The following SLIT3 variants were observed in gnomAD, a reference collection of about 807,000 sequenced individuals.
SLIT3 encodes the protein slit guidance ligand 3.
In SLIT3, 68 loss-of-function variants were observed where a neutral mutation model predicts 184.0. That is an observed-to-expected ratio of 0.37 (90% CI 0.30 to 0.45). The LOEUF is 0.45. Among genes scored for constraint, SLIT3 ranks in the 20% least tolerant of loss-of-function variants. The pLI, the probability that SLIT3 is intolerant of heterozygous loss-of-function variation, is 1.00. For missense variants in SLIT3, 1,707 were observed against 2,026.0 expected (o/e 0.84, Z 3.02); for synonymous variants, 831 against 828.6 (o/e 1.00, Z -0.05).
intron 11 of SLIT3, among the ~76,000 whole-genome samples, chr5:168,786,838 G>A (rs1756172113): frequency 1.3e-5 from 2 of 152,146 alleles, no homozygotes; most frequent in African/African-American, 2.4e-5. Flanking sequence ...ACCACAGCAC[G>A]GGCTTTGCTG....
chr5:168,666,303 T>C lies in SLIT3; in HGVS notation c.*151A>G, dbSNP rs888137365. 7 of 652,374 alleles carry C rather than the reference T, an allele frequency of 1.1e-5. No individual in the cohort carries two copies. In the African/African-American group the frequency reaches 1.3e-4, roughly 12 times the overall value. 40.4% of individuals were successfully genotyped at this position (652,374 alleles called of 1,614,324 possible). ...CATAATAAAAATAAGTTCTATTTTT[T>C]GTTTATTTTACAATATACTTAATAT... On this transcript the variant is annotated 3_prime_UTR_variant, in exon 36 of 36. Coordinates refer to ENST00000519560, the MANE Select transcript of SLIT3 (RefSeq NM_003062.4).
chr5:168,778,124 G>A (rs1676906946), intron 12 of SLIT3, among the ~76,000 whole-genome samples: 1 of 152,174 alleles, frequency 6.6e-6, no homozygotes, highest in Non-Finnish European at 1.5e-5. Context: ...AGGAGCATTG[G>A]TGTAACTGCT....
intron 4 of SLIT3, among the ~76,000 whole-genome samples, chr5:169,187,017 T>C (rs1763366984): frequency 6.6e-6 from 1 of 151,968 alleles, no homozygotes; most frequent in African/African-American, 2.4e-5. Context: ...GTGGCATTTT[T>C]TTTTTTTAAA....
At position 169,215,370 on chromosome 5, in the gene SLIT3, T is replaced by C. The variant is rs2113520427; in HGVS notation, c.342-21820A>G. Among the ~76,000 whole-genome samples the C allele has an allele frequency of 2.0e-5, 3 of 152,334 alleles. No homozygotes were observed. The South Asian group carries it at 6.2e-4, about 32-fold the overall frequency. ...CTAGGAAGTCTGTCTGATCCTCCTG[T>C]CTACTCCCAGAGTCCTCTGTCATTA... On this transcript the variant is annotated intron_variant, in intron 3 of 35. Transcript: ENST00000519560.
At chr5:169,154,174 G>A (rs375449362) in intron 4 of SLIT3, among the ~76,000 whole-genome samples, 8 of 151,918 alleles carry the variant, frequency 5.3e-5, no homozygotes, top group African/African-American at 1.2e-4. Context: ...GGGTTTCACC[G>A]TGGTCTCGAT....
chr5:168,936,354 C>A (rs1028211445), intron 4 of SLIT3, among the ~76,000 whole-genome samples: 1 of 152,184 alleles, frequency 6.6e-6, no homozygotes, highest in African/African-American at 2.4e-5. Context: ...CCTGCCTCAG[C>A]CTCCTAAGTA....
chr5:168,709,063 C>T (rs1245951711), intron 25 of SLIT3, among the ~76,000 whole-genome samples: 1 of 151,564 alleles, frequency 6.6e-6, no homozygotes, highest in Non-Finnish European at 1.5e-5. Context: ...GATGACTTAG[C>T]TGCCTTACAC....
chr5:169,191,561 G>C (rs1763552233), intron 4 of SLIT3, among the ~76,000 whole-genome samples: 1 of 152,156 alleles, frequency 6.6e-6, no homozygotes, highest in Admixed American at 6.5e-5. Flanking sequence ...GATCTCATTG[G>C]ATACTTACAG....
At chr5:168,780,620 T>G in intron 12 of SLIT3, among the ~76,000 whole-genome samples, 1 of 152,248 alleles carries the variant, frequency 6.6e-6, no homozygotes, top group East Asian at 1.9e-4. Flanking sequence ...CACGAACGCT[T>G]AGTGAAGACA....
intron 4 of SLIT3, among the ~76,000 whole-genome samples, chr5:169,037,405 G>T (rs1477161603): frequency 6.6e-6 from 1 of 152,202 alleles, no homozygotes; most frequent in East Asian, 1.9e-4. Flanking sequence ...TAAAGGGAGA[G>T]AAAGCTACTT....
intron 6 of SLIT3, among the ~76,000 whole-genome samples, chr5:168,836,571 A>G (rs2938759): frequency 0.59 from 90,090 of 151,892 alleles, 28,152 homozygotes; most frequent in African/African-American, 0.8. Flanking sequence ...TATTTTTCCC[A>G]TTTGTTCTAG....
chr5:169,244,077 C>T (rs1435427247), intron 3 of SLIT3, among the ~76,000 whole-genome samples: 1 of 152,242 alleles, frequency 6.6e-6, no homozygotes, highest in African/African-American at 2.4e-5. Flanking sequence ...CTCCAACCAT[C>T]TTCCATTCCC....
intron 32 of SLIT3, among the ~76,000 whole-genome samples, chr5:168,674,952 T>C (rs933002771): frequency 2.6e-5 from 4 of 152,186 alleles, no homozygotes; most frequent in African/African-American, 9.6e-5. Flanking sequence ...GATATCCTAT[T>C]TCACAGATGA....
At chr5:169,251,595 C>T (rs762628671) in intron 1 of SLIT3, 136 bp from the exon 2 acceptor site, 91 of 669,110 alleles carry the variant, frequency 1.4e-4, no homozygotes, top group Non-Finnish European at 2.1e-4. Context: ...ATCCCTTGAG[C>T]GTGCCCGGCT....
chr5:169,249,961 CAG>C (rs1662385420), intron 2 of SLIT3, among the ~76,000 whole-genome samples: 1 of 152,244 alleles, frequency 6.6e-6, no homozygotes. Flanking sequence ...GTGTACATAA[CAG>C]AAACTCTGAC....
Position 169,195,885 on chromosome 5 carries a change from C to T in SLIT3, c.342-2335G>A, listed in dbSNP as rs552126482. 4.6e-4 allele frequency among the ~76,000 whole-genome samples: 70 copies of T among 152,264 alleles called. 2 individuals are homozygous for T. The highest frequency in any genetic ancestry group is 9.1e-4 in the Non-Finnish European group (62 of 68,022). ...TTTTTAAAAAATTGCAGTAAAATCACATATCATGAGATTTATCTTCTTAGC... is the reference window on the plus strand; with the variant it reads ...TTTTTAAAAAATTGCAGTAAAATCATATATCATGAGATTTATCTTCTTAGC... On this transcript the variant is annotated intron_variant, in intron 3 of 35. Coordinates refer to ENST00000519560, the MANE Select transcript of SLIT3 (RefSeq NM_003062.4).
intron 4 of SLIT3, among the ~76,000 whole-genome samples, chr5:168,965,708 A>G (rs761823217): frequency 3.9e-5 from 6 of 152,240 alleles, no homozygotes; most frequent in Non-Finnish European, 8.8e-5. Context: ...CTTATCAGCA[A>G]TGACACCTAA....
intron 4 of SLIT3, among the ~76,000 whole-genome samples, chr5:169,117,813 C>T (rs766801766): frequency 1.2e-4 from 18 of 152,160 alleles, no homozygotes; most frequent in East Asian, 1.9e-4. Context: ...CCAATGAAGT[C>T]AGAAGTAGAT....
intron 4 of SLIT3, among the ~76,000 whole-genome samples, chr5:168,984,766 TGTGA>T (rs945541265): frequency 1.3e-5 from 2 of 152,198 alleles, no homozygotes; most frequent in Non-Finnish European, 2.9e-5. Flanking sequence ...AGTGTTAAAC[TGTGA>T]GTTACAGGAA....
Sources: allele counts gnomAD v4.1 joint callset (sites outside exome capture counted in the v4.1 genomes callset), GRCh38; gene constraint gnomAD v4.1.1; transcripts MANE v1.5; gene names NCBI Gene and HGNC (gene_info 2026-07-23, HGNC 2026-07-21).